ADAMTS19: variants seen among roughly 807,000 people sequenced by gnomAD.
ADAMTS19 encodes ADAM metallopeptidase with thrombospondin type 1 motif 19, also known as A disintegrin and metalloproteinase with thrombospondin motifs 19.
Under a neutral mutation model 153.3 loss-of-function variants are expected in ADAMTS19, and 93 were observed. The ratio of observed to expected loss-of-function variants is 0.61; its 90% CI spans 0.51 to 0.72. The LOEUF (loss-of-function observed/expected upper bound fraction) is 0.72, where lower values mean the gene tolerates loss of function less well. ADAMTS19 is among the 30% of genes least tolerant of loss of function. The pLI is 0.00. For missense variants in ADAMTS19, 1,482 were observed against 1,552.1 expected, an observed-to-expected ratio of 0.95 and a Z score of 0.76; for synonymous variants, 600 against 556.6, an observed-to-expected ratio of 1.08 and a Z score of -1.10.
At chr5:129,608,602 AT>A (rs1330492721) in intron 8 of ADAMTS19, among the ~76,000 whole-genome samples, 1 of 152,098 alleles carries the variant, frequency 6.6e-6, no homozygotes, top group Non-Finnish European at 1.5e-5. Context: ...CTAAGAGGAG[AT>A]TAGATATACA....
At chr5:129,548,011 T>C (rs552530617) in intron 6 of ADAMTS19, among the ~76,000 whole-genome samples, 4 of 150,630 alleles carry the variant, frequency 2.7e-5, no homozygotes, top group Non-Finnish European at 4.4e-5. Context: ...TTACACCTTA[T>C]ACAAAAATTA....
intron 6 of ADAMTS19, among the ~76,000 whole-genome samples, chr5:129,549,467 CAT>C (rs563912396): frequency 1.2e-4 from 18 of 151,488 alleles, no homozygotes; most frequent in Admixed American, 4.0e-4. Context: ...GCAAAGTAAA[CAT>C]ATAGATTTTA....
At chr5:129,647,426 C>G (rs980579967) in intron 11 of ADAMTS19, among the ~76,000 whole-genome samples, 1 of 151,916 alleles carries the variant, frequency 6.6e-6, no homozygotes, top group Non-Finnish European at 1.5e-5. Context: ...AAATTATTAT[C>G]GGTTTCTTAA....
intron 11 of ADAMTS19, among the ~76,000 whole-genome samples, 177 bp from the exon 12 acceptor site, chr5:129,647,588 G>T (rs1386116307): frequency 2.0e-5 from 3 of 152,038 alleles, no homozygotes; most frequent in Non-Finnish European, 4.4e-5. Flanking sequence ...TGAGAACTGG[G>T]CAATTATATT....
chr5:129,619,127 G>T (rs1203309110), intron 8 of ADAMTS19, among the ~76,000 whole-genome samples: 1 of 151,968 alleles, frequency 6.6e-6, no homozygotes, highest in East Asian at 1.9e-4. Context: ...TGATGATTAA[G>T]TAGAATTTGA....
At position 129,704,385 on chromosome 5, in the gene ADAMTS19, G is replaced by A; in HGVS notation, c.3306G>A (p.Trp1102Ter). 1 of 1,613,612 alleles carries A rather than the reference G, an allele frequency of 6.2e-7. No homozygotes were observed. The highest frequency in any genetic ancestry group is 8.5e-7 in the Non-Finnish European group (1 of 1,179,730). Residue 1102 changes from tryptophan to a stop codon, truncating the protein, a stop_gained, in exon 21 of 23, where the codon TGG (tryptophan) becomes TGA (stop). Transcript: ENST00000274487. LOFTEE classifies it high-confidence loss of function. Reference protein sequence around the residue: ...SKCYVWRMGDWSKCSITCGKG... With the variant: ...SKCYVWRMGD ...GCTATGTGTGGCGAATGGGTGACTG[G>A]TCTAAGGTGAGAACCATTCTGTATA...
At chr5:129,526,999 T>C (rs1441892643) in intron 4 of ADAMTS19, among the ~76,000 whole-genome samples, 1 of 151,942 alleles carries the variant, frequency 6.6e-6, no homozygotes, top group Non-Finnish European at 1.5e-5. Flanking sequence ...TGACCTATTA[T>C]ATACGTATGT....
chr5:129,488,487 C>G (rs1561535933), intron 2 of ADAMTS19, among the ~76,000 whole-genome samples: 1 of 152,004 alleles, frequency 6.6e-6, no homozygotes, highest in Non-Finnish European at 1.5e-5. Flanking sequence ...GAAAATTAAT[C>G]TAAGTATAGA....
intron 2 of ADAMTS19, among the ~76,000 whole-genome samples, chr5:129,467,043 G>C (rs777538219): frequency 6.6e-6 from 1 of 152,048 alleles, no homozygotes; most frequent in Non-Finnish European, 1.5e-5. Context: ...AAACAAAAAC[G>C]TATTTTGCAC....
intron 21 of ADAMTS19, among the ~76,000 whole-genome samples, chr5:129,717,287 T>C (rs1756774964): frequency 6.6e-6 from 1 of 152,182 alleles, no homozygotes; most frequent in African/African-American, 2.4e-5. Context: ...TATTTAAGCA[T>C]TGTATTTTTT....
At chr5:129,670,268 G>C (rs1015592177) in intron 16 of ADAMTS19, among the ~76,000 whole-genome samples, 1 of 152,040 alleles carries the variant, frequency 6.6e-6, no homozygotes, top group African/African-American at 2.4e-5. Flanking sequence ...AATTCTGGAA[G>C]GCATTTTGTT....
intron 7 of ADAMTS19, among the ~76,000 whole-genome samples, chr5:129,562,285 C>T (rs1753552454): frequency 6.6e-6 from 1 of 152,130 alleles, no homozygotes; most frequent in Non-Finnish European, 1.5e-5. Flanking sequence ...TGTATATACT[C>T]AAGTGTTGAG....
chr5:129,542,062 T>C (rs1752671313), intron 6 of ADAMTS19, among the ~76,000 whole-genome samples: 1 of 152,140 alleles, frequency 6.6e-6, no homozygotes, highest in Non-Finnish European at 1.5e-5. Flanking sequence ...GGATATTGTT[T>C]GTTTTGAGCC....
At chr5:129,663,480 T>A (rs1032496219) in intron 15 of ADAMTS19, among the ~76,000 whole-genome samples, 5 of 152,228 alleles carry the variant, frequency 3.3e-5, no homozygotes, top group Non-Finnish European at 7.3e-5. Context: ...CAAAACTAGA[T>A]GATTTCTCTC....
At chr5:129,471,729 CAG>C in intron 2 of ADAMTS19, among the ~76,000 whole-genome samples, 1 of 152,128 alleles carries the variant, frequency 6.6e-6, no homozygotes, top group Non-Finnish European at 1.5e-5. Flanking sequence ...TAGTAGGCCC[CAG>C]AGTCTGTAGT....
At chr5:129,508,908 A>G (rs780756535) in intron 2 of ADAMTS19, among the ~76,000 whole-genome samples, 169 bp from the exon 3 acceptor site, 12 of 152,072 alleles carry the variant, frequency 7.9e-5, no homozygotes, top group Non-Finnish European at 1.3e-4. Flanking sequence ...CATAAAGATG[A>G]AGTAATAAAA....
intron 7 of ADAMTS19, among the ~76,000 whole-genome samples, chr5:129,556,430 G>A (rs896836098): frequency 6.6e-6 from 1 of 152,130 alleles, no homozygotes; most frequent in Non-Finnish European, 1.5e-5. Context: ...CTATCTCTTT[G>A]CTGCTATTGA....
rs143447754 is a variant in ADAMTS19 at position 129,586,878 on chromosome 5, T to A, written c.1373-9681T>A. On this transcript the variant is annotated intron_variant, in intron 7 of 22. Transcript: ENST00000274487. ...TTGTTTATTCTGTGTTGCCTTACAA[T>A]TTTTTTCGAAATACATTTAATGATT... Among the ~76,000 whole-genome samples, 17 of 152,286 alleles carry A rather than the reference T, an allele frequency of 1.1e-4. 1 individual carries two copies. The highest frequency in any genetic ancestry group is 6.8e-3 in the Middle Eastern group (2 of 294).
chr5:129,523,310 A>G (rs1751890846), intron 3 of ADAMTS19, among the ~76,000 whole-genome samples: 1 of 152,188 alleles, frequency 6.6e-6, no homozygotes. Flanking sequence ...CATACAGGGA[A>G]TCATGACTAA....
Sources: gnomAD v4.1 joint callset for allele counts (sites outside exome capture counted in the v4.1 genomes callset) on GRCh38, gnomAD v4.1.1 for gene constraint, MANE v1.5 for transcripts, NCBI Gene and HGNC (gene_info 2026-07-23, HGNC 2026-07-21) for gene names.